FUBP3: variants seen among roughly 807,000 people sequenced by gnomAD.
FUBP3 encodes the protein far upstream element binding protein 3.
In FUBP3, 28 loss-of-function variants were observed where a neutral mutation model predicts 85.6. That is an observed-to-expected ratio of 0.33 (90% CI 0.24 to 0.45). FUBP3 has a LOEUF of 0.45. FUBP3 is among the 20% of genes least tolerant of loss of function. The pLI is 1.00. For missense variants in FUBP3, 583 were observed against 755.1 expected (o/e 0.77, Z 2.67); for synonymous variants, 271 against 271.4 (o/e 1.00, Z 0.01).
At chr9:130,592,339 A>G (rs1411201530) in intron 1 of FUBP3, among the ~76,000 whole-genome samples, 1 of 152,190 alleles carries the variant, frequency 6.6e-6, no homozygotes, top group East Asian at 1.9e-4. Flanking sequence ...TTTGTTTTTG[A>G]GTCAAGAGTC....
At position 130,630,675 on chromosome 9, in the gene FUBP3, G is replaced by A; in HGVS notation, c.1165G>A (p.Glu389Lys). ...SINQQSGAHV[E>K]LQRNPPPNSD... ...CAACCAGCAGTCAGGGGCGCACGTG[G>A]AGCTTCAGAGGAACCCCCCTCCCAA... The change falls in exon 13 of 19, where the codon GAG becomes AAG. Residue 389 changes from glutamate to lysine, a missense_variant. Glu to Lys is a moderately conservative substitution (Grantham distance 56, BLOSUM62 1). Transcript: ENST00000319725. 1 of 1,601,162 alleles carries A rather than the reference G, an allele frequency of 6.2e-7. No homozygotes were observed. The highest frequency in any genetic ancestry group is 8.5e-7 in the Non-Finnish European group (1 of 1,174,054).
intron 1 of FUBP3, among the ~76,000 whole-genome samples, chr9:130,585,510 C>A (rs1016465662): frequency 2.0e-5 from 3 of 152,176 alleles, no homozygotes; most frequent in African/African-American, 7.2e-5. Flanking sequence ...AGCATTTGAT[C>A]TATAGGCTGT....
At chr9:130,630,538 C>T in intron 12 of FUBP3, 90 bp from the exon 13 acceptor site, 1 of 1,044,846 alleles carries the variant, frequency 9.6e-7, no homozygotes, top group Non-Finnish European at 1.4e-6. Context: ...CAAAATCCCC[C>T]CGAGTTGTCT....
intron 2 of FUBP3, among the ~76,000 whole-genome samples, chr9:130,605,673 A>G (rs1831389347): frequency 6.6e-6 from 1 of 152,228 alleles, no homozygotes; most frequent in African/African-American, 2.4e-5. Context: ...AGAAGCTTAC[A>G]GTAGACTACA....
chr9:130,601,171 A>C (rs1325344130), intron 2 of FUBP3, among the ~76,000 whole-genome samples: 2 of 152,160 alleles, frequency 1.3e-5, no homozygotes, highest in Non-Finnish European at 2.9e-5. Context: ...AGTTGATGAA[A>C]ACATTTTCTT....
chr9:130,582,959 C>T (rs1830195561), intron 1 of FUBP3, among the ~76,000 whole-genome samples: 1 of 152,118 alleles, frequency 6.6e-6, no homozygotes, highest in Admixed American at 6.6e-5. Flanking sequence ...CTTTAAAAAG[C>T]ATTAGATCTG....
chr9:130,621,197 G>A (rs1205942611), intron 9 of FUBP3, among the ~76,000 whole-genome samples: 2 of 152,236 alleles, frequency 1.3e-5, no homozygotes, highest in African/African-American at 2.4e-5. Flanking sequence ...TTAAAGAACC[G>A]CTAGGGCTAT....
chr9:130,623,874 G>A (rs1452912078), intron 11 of FUBP3, among the ~76,000 whole-genome samples, 163 bp downstream of exon 11: 2 of 152,102 alleles, frequency 1.3e-5, no homozygotes, highest in African/African-American at 4.8e-5. Context: ...TGCCTTCTTG[G>A]TATTTTTTTC....
Position 130,579,657 on chromosome 9 carries a change from G to T in FUBP3, c.-24G>T, listed in dbSNP as rs547822626. The T allele has an allele frequency of 8.4e-6, 10 of 1,197,584 alleles. No homozygotes were observed. Among genetic ancestry groups the T allele is most frequent in the Admixed American group, 8.6e-5 (2 of 23,270 alleles). 74.2% of individuals were successfully genotyped at this position (1,197,584 alleles called of 1,614,324 possible). A position where few individuals can be genotyped will look rare whatever the true frequency, so the allele number is the denominator to read the frequency against. On this transcript the variant is annotated 5_prime_UTR_variant, in exon 1 of 19. Coordinates refer to ENST00000319725, the MANE Select transcript of FUBP3 (RefSeq NM_003934.2). ...GGCGGCGTCGGCGGCGTCGGCGGCGGCGGCGACGGCGGCGGGGGCGGTAAT... is the reference window on the plus strand; with the variant it reads ...GGCGGCGTCGGCGGCGTCGGCGGCGTCGGCGACGGCGGCGGGGGCGGTAAT...
At chr9:130,603,294 C>G (rs529544518) in intron 2 of FUBP3, among the ~76,000 whole-genome samples, 2 of 138,826 alleles carry the variant, frequency 1.4e-5, no homozygotes, top group East Asian at 4.4e-4. Context: ...TTGCAGTGAG[C>G]TGAAACCGTG....
intron 2 of FUBP3, among the ~76,000 whole-genome samples, chr9:130,609,384 G>A (rs1163252869): frequency 5.3e-5 from 8 of 151,036 alleles, no homozygotes; most frequent in Admixed American, 6.6e-5. Flanking sequence ...GGTCCGTGAC[G>A]AGGCCTGTGG....
Position 130,596,864 on chromosome 9 carries a change from G to A in FUBP3, c.190+1276G>A, listed in dbSNP as rs755479730. ...GCCTGCAATGTGAAATAAGCACCTC[G>A]TGGAAAACGGGGGTATCCATCCCCT... On this transcript the variant is annotated intron_variant, in intron 2 of 18. Coordinates refer to ENST00000319725, the MANE Select transcript of FUBP3 (RefSeq NM_003934.2). 6.2e-4 allele frequency among the ~76,000 whole-genome samples: 95 copies of A among 152,230 alleles called. 1 individual carries two copies. Among genetic ancestry groups the A allele is most frequent in the Admixed American group, 2.8e-3 (43 of 15,276 alleles).
intron 2 of FUBP3, among the ~76,000 whole-genome samples, chr9:130,600,008 A>G (rs1245923867): frequency 6.6e-6 from 1 of 151,720 alleles, no homozygotes; most frequent in Non-Finnish European, 1.5e-5. Flanking sequence ...TCTTCCTAGA[A>G]ACCTGTCCTC....
chr9:130,632,769 C>T (rs1830267215), intron 16 of FUBP3, among the ~76,000 whole-genome samples: 1 of 152,242 alleles, frequency 6.6e-6, no homozygotes, highest in Non-Finnish European at 1.5e-5. Flanking sequence ...CATCCCGCCT[C>T]TCCAGGGAGG....
chr9:130,595,463 A>G lies in FUBP3; in HGVS notation c.85-20A>G. 6 of 1,211,120 alleles carry G rather than the reference A, an allele frequency of 5.0e-6. No homozygotes were observed. The highest frequency in any genetic ancestry group is 7.4e-6 in the Non-Finnish European group (6 of 811,680). 75.0% of individuals were successfully genotyped at this position (1,211,120 alleles called of 1,614,324 possible). On this transcript the variant is annotated intron_variant, in intron 1 of 18. Coordinates refer to ENST00000319725, the MANE Select transcript of FUBP3 (RefSeq NM_003934.2). ...AGCCATGGTTTGTTACTGAGTGTTT[A>G]AATCTGATTCTCTCTGTAGATTGCT... is the stretch of plus-strand genomic sequence containing the variant.
At chr9:130,599,974 T>C (rs1007867826) in intron 2 of FUBP3, among the ~76,000 whole-genome samples, 13 of 152,154 alleles carry the variant, frequency 8.5e-5, no homozygotes, top group Admixed American at 6.5e-4. Context: ...GCTCTTAACC[T>C]GCCCAACTCC....
intron 2 of FUBP3, 75 bp from the exon 3 acceptor site, chr9:130,609,879 T>C (rs2119065780): frequency 8.7e-7 from 1 of 1,152,918 alleles, no homozygotes; most frequent in Admixed American, 1.8e-5. Flanking sequence ...CCCGAAATGG[T>C]AAGAATGGTA....
chr9:130,596,543 G>C, intron 2 of FUBP3: 1 of 202,202 alleles, frequency 4.9e-6, no homozygotes, highest in South Asian at 5.9e-5. Context: ...TTAGCGATGG[G>C]ATCACACTCT....
intron 12 of FUBP3, 145 bp from the exon 13 acceptor site, chr9:130,630,483 A>G (rs1392028850): frequency 9.3e-6 from 5 of 538,460 alleles, no homozygotes; most frequent in Non-Finnish European, 3.1e-6. Flanking sequence ...ACTTTGGAGT[A>G]AATAGAGACA....
Sources: allele counts gnomAD v4.1 joint callset (sites outside exome capture counted in the v4.1 genomes callset), GRCh38; gene constraint gnomAD v4.1.1; transcripts MANE v1.5; gene names NCBI Gene and HGNC (gene_info 2026-07-23, HGNC 2026-07-21).